Variants in UNC13B observed in about 807,000 individuals in gnomAD.
UNC13B encodes unc-13 homolog B.
UNC13B carries 144 observed loss-of-function variants against 211.0 expected under a neutral mutation model. The ratio of observed to expected loss-of-function variants is 0.68; its 90% CI spans 0.60 to 0.78. UNC13B has a LOEUF of 0.78. UNC13B is among the 30% of genes least tolerant of loss of function. UNC13B has a pLI of 0.00. For missense variants in UNC13B, 1,777 were observed against 2,002.0 expected, an observed-to-expected ratio of 0.89 and a Z score of 2.14; for synonymous variants, 709 against 725.8, an observed-to-expected ratio of 0.98 and a Z score of 0.37.
Position 35,367,397 on chromosome 9 carries a change from A to T in UNC13B, c.9461+404A>T, listed in dbSNP as rs550980118. On this transcript the variant is annotated intron_variant, in intron 12 of 39. Transcript: ENST00000635942. ...TTGTAGGTACATACTAGGTGTGTCT[A>T]TTTATGGGTTACATTAGATATTTTG... 1.2e-4 allele frequency among the ~76,000 whole-genome samples: 19 copies of T among 152,252 alleles called. No individual in the cohort carries two copies. In the South Asian group the frequency reaches 3.5e-3, roughly 28 times the overall value.
At chr9:35,267,509 A>G (rs1281748649) in intron 7 of UNC13B, among the ~76,000 whole-genome samples, 4 of 152,220 alleles carry the variant, frequency 2.6e-5, no homozygotes, top group Non-Finnish European at 5.9e-5. Context: ...TCTTATTCAC[A>G]TGCTGTGTCA....
intron 7 of UNC13B, among the ~76,000 whole-genome samples, chr9:35,273,143 T>G (rs950610115): frequency 6.6e-6 from 1 of 152,208 alleles, no homozygotes; most frequent in Non-Finnish European, 1.5e-5. Flanking sequence ...AAAATTTTCT[T>G]GAAGAATGAA....
At position 35,198,358 on chromosome 9, in the gene UNC13B, A is replaced by G. The variant is rs77101226; in HGVS notation, c.23-29657A>G. Among the ~76,000 whole-genome samples, 41 of 152,250 alleles carry G rather than the reference A, an allele frequency of 2.7e-4. No homozygotes were observed. The East Asian group carries it at 7.9e-3, about 29-fold the overall frequency. On this transcript the variant is annotated intron_variant, in intron 1 of 39. Coordinates refer to ENST00000635942, the MANE Select transcript of UNC13B (RefSeq NM_001371189.2). Reference sequence around the variant, plus strand: ...GTTCCTTTTGCTCTGGCCATGTAATATGCGCCTGCTTCTCCTTGGCCTTCT... The same window carrying G: ...GTTCCTTTTGCTCTGGCCATGTAATGTGCGCCTGCTTCTCCTTGGCCTTCT...
chr9:35,402,082 G>A lies in UNC13B; in HGVS notation c.12485-1085G>A, dbSNP rs943056799. ...CCCTGGGAGCTAGAATGAGCAACTC[G>A]TGCTGGGGGTGGGGGAACAAGCTGT... On this transcript the variant is annotated intron_variant, in intron 37 of 39. Coordinates refer to ENST00000635942, the MANE Select transcript of UNC13B (RefSeq NM_001371189.2). The A allele has an allele frequency of 2.7e-5, 37 of 1,395,458 alleles. No homozygotes were observed. In the Admixed American group the frequency reaches 2.8e-4, roughly 11 times the overall value. 86.4% of individuals were successfully genotyped at this position (1,395,458 alleles called of 1,614,324 possible).
At chr9:35,235,908 A>G (rs1393421614) in intron 3 of UNC13B, among the ~76,000 whole-genome samples, 1 of 152,124 alleles carries the variant, frequency 6.6e-6, no homozygotes, top group Non-Finnish European at 1.5e-5. Flanking sequence ...TATTGTGTGA[A>G]ACTGCATTAG....
chr9:35,312,121 G>A (rs1564129058), intron 10 of UNC13B, among the ~76,000 whole-genome samples: 1 of 152,176 alleles, frequency 6.6e-6, no homozygotes, highest in Non-Finnish European at 1.5e-5. Flanking sequence ...CCCTGGCGGG[G>A]ACAGTTGCCC....
chr9:35,255,791 A>G (rs1246321633), intron 6 of UNC13B, among the ~76,000 whole-genome samples: 1 of 152,180 alleles, frequency 6.6e-6, no homozygotes, highest in Non-Finnish European at 1.5e-5. Flanking sequence ...TCTTGGAGCC[A>G]GAGGCTGCAT....
chr9:35,239,966 G>C (rs1229254846), intron 5 of UNC13B, among the ~76,000 whole-genome samples: 1 of 152,056 alleles, frequency 6.6e-6, no homozygotes. Context: ...ATCCTCACAG[G>C]GTCCTGAGGC....
At chr9:35,355,083 G>T (rs983277910) in intron 11 of UNC13B, among the ~76,000 whole-genome samples, 3 of 152,150 alleles carry the variant, frequency 2.0e-5, no homozygotes, top group Non-Finnish European at 4.4e-5. Flanking sequence ...AAAGAATGTG[G>T]TAGCTCTTTA....
At chr9:35,298,754 C>T (rs556371219) in intron 8 of UNC13B, among the ~76,000 whole-genome samples, 1 of 152,194 alleles carries the variant, frequency 6.6e-6, no homozygotes, top group Non-Finnish European at 1.5e-5. Flanking sequence ...TTTCTCCATC[C>T]CTACCTTGGT....
chr9:35,210,149 T>C (rs1220729180), intron 1 of UNC13B, among the ~76,000 whole-genome samples: 1 of 152,192 alleles, frequency 6.6e-6, no homozygotes, highest in Non-Finnish European at 1.5e-5. Context: ...TAATTCCTAA[T>C]AAATGTTTTA....
chr9:35,307,841 T>C lies in UNC13B; in HGVS notation c.8437T>C (p.Leu2813=), dbSNP rs1225867906. ...ETGLMSSFKK[L]STLFEGSSEG... is the part of the protein sequence containing the mutation. The stretch of plus-strand genomic sequence containing the variant: ...TGGTTTAATGTCCAGTTTTAAGAAG[T>C]TGTCAACTCTATTTGAGGGAAGTAG... Residue 2813 remains leucine, a synonymous_variant, in exon 9 of 40, where the codon TTG becomes CTG. Coordinates refer to ENST00000635942, the MANE Select transcript of UNC13B (RefSeq NM_001371189.2). The C allele has an allele frequency of 5.0e-6, 2 of 398,972 alleles. No homozygotes were observed. The highest frequency in any genetic ancestry group is 8.8e-6 in the Non-Finnish European group (2 of 226,038). 24.7% of individuals were successfully genotyped at this position (398,972 alleles called of 1,614,324 possible).
intron 3 of UNC13B, among the ~76,000 whole-genome samples, chr9:35,236,207 T>C (rs1825500188): frequency 6.6e-6 from 1 of 152,148 alleles, no homozygotes; most frequent in African/African-American, 2.4e-5. Context: ...AGGTGCACAA[T>C]ACCTTATTGC....
At chr9:35,277,729 A>G (rs1339687265) in intron 7 of UNC13B, among the ~76,000 whole-genome samples, 1 of 151,982 alleles carries the variant, frequency 6.6e-6, no homozygotes, top group Non-Finnish European at 1.5e-5. Context: ...CTGAATCACA[A>G]CCTAGACTCA....
intron 1 of UNC13B, among the ~76,000 whole-genome samples, chr9:35,178,458 T>C (rs1821756408): frequency 6.6e-6 from 1 of 151,032 alleles, no homozygotes; most frequent in Non-Finnish European, 1.5e-5. Context: ...GATCCGCCAC[T>C]GCACTCCAGT....
intron 3 of UNC13B, among the ~76,000 whole-genome samples, chr9:35,233,548 A>C (rs1414815965): frequency 1.3e-5 from 2 of 152,100 alleles, no homozygotes; most frequent in Non-Finnish European, 2.9e-5. Flanking sequence ...CTCCTTGCAG[A>C]ACTTAGTCTA....
At chr9:35,234,414 C>T (rs1825379119) in intron 3 of UNC13B, among the ~76,000 whole-genome samples, 1 of 152,198 alleles carries the variant, frequency 6.6e-6, no homozygotes. Flanking sequence ...GCCATTGCAC[C>T]TGGCCCAAGC....
intron 7 of UNC13B, among the ~76,000 whole-genome samples, chr9:35,269,799 A>C (rs1827773418): frequency 1.3e-5 from 2 of 152,204 alleles, no homozygotes; most frequent in Admixed American, 1.3e-4. Context: ...ATTGTGTCAC[A>C]CTGTTATTAT....
At chr9:35,323,933 C>T in intron 11 of UNC13B, among the ~76,000 whole-genome samples, 1 of 152,122 alleles carries the variant, frequency 6.6e-6, no homozygotes, top group South Asian at 2.1e-4. Context: ...TTTTTAATCT[C>T]AACTCTTGCC....
Sources: allele counts gnomAD v4.1 joint callset (sites outside exome capture counted in the v4.1 genomes callset), GRCh38; gene constraint gnomAD v4.1.1; transcripts MANE v1.5; gene names NCBI Gene and HGNC (gene_info 2026-07-23, HGNC 2026-07-21).